OPCML: variants seen among roughly 807,000 people sequenced by gnomAD.
OPCML encodes the protein opioid binding protein/cell adhesion molecule like.
Under a neutral mutation model 37.8 loss-of-function variants are expected in OPCML, and 13 were observed. The ratio of observed to expected loss-of-function variants is 0.34; its 90% CI spans 0.22 to 0.55. The LOEUF (loss-of-function observed/expected upper bound fraction) is 0.55, where lower values mean the gene tolerates loss of function less well. Among genes scored for constraint, OPCML ranks in the 20% least tolerant of loss-of-function variants. The pLI is 0.91. For synonymous variants in OPCML, 176 were observed against 168.8 expected, an observed-to-expected ratio of 1.04 and a Z score of -0.33; for missense variants, 341 against 435.6, an observed-to-expected ratio of 0.78 and a Z score of 1.93.
chr11:133,380,939 G>A (rs546977190), intron 1 of OPCML, among the ~76,000 whole-genome samples: 10 of 152,324 alleles, frequency 6.6e-5, no homozygotes, highest in South Asian at 2.1e-4. Flanking sequence ...AGGGAGGTAC[G>A]GACCTAAGCT....
At chr11:132,611,836 T>C (rs931493419) in intron 3 of OPCML, among the ~76,000 whole-genome samples, 1 of 152,084 alleles carries the variant, frequency 6.6e-6, no homozygotes, top group African/African-American at 2.4e-5. Context: ...TGTTCTAATC[T>C]GCCCAGGACT....
intron 1 of OPCML, among the ~76,000 whole-genome samples, chr11:133,027,470 AGTGTGTGTGT>A (rs112879269): frequency 1.4e-5 from 2 of 144,902 alleles, no homozygotes; most frequent in Admixed American, 6.8e-5. Context: ...TGGTCTATGT[AGTGTGTGTGT>A]GTGTGTGTGT....
At chr11:133,440,926 T>G (rs1449599207) in intron 1 of OPCML, among the ~76,000 whole-genome samples, 1 of 150,510 alleles carries the variant, frequency 6.6e-6, no homozygotes, top group Non-Finnish European at 1.5e-5. Context: ...AATAAAAATG[T>G]CAAAGTAAAT....
In OPCML at chr11:132,661,838, C is replaced by T. The variant is rs566921154; in HGVS notation, c.147-4519G>A. Among the ~76,000 whole-genome samples the T allele has an allele frequency of 3.3e-5, 5 of 152,186 alleles. No individual in the cohort carries two copies. The South Asian group carries it at 8.3e-4, about 25-fold the overall frequency. ...CAAATCATTCTATCCTAATAACTACCCTTTGAGATGTGTTCTATTAATATT... is the reference window on the plus strand; with the variant it reads ...CAAATCATTCTATCCTAATAACTACTCTTTGAGATGTGTTCTATTAATATT... On this transcript the variant is annotated intron_variant, in intron 2 of 7. Transcript: ENST00000524381.
intron 1 of OPCML, among the ~76,000 whole-genome samples, chr11:133,453,529 T>C (rs550281260): frequency 6.6e-6 from 1 of 152,232 alleles, no homozygotes; most frequent in Non-Finnish European, 1.5e-5. Flanking sequence ...GCCAAACATA[T>C]AGATTGCATT....
At chr11:133,109,287 T>C (rs892953465) in intron 1 of OPCML, among the ~76,000 whole-genome samples, 1 of 152,114 alleles carries the variant, frequency 6.6e-6, no homozygotes, top group South Asian at 2.1e-4. Context: ...AAGGTTTGTT[T>C]TGAAGAGCAA....
At chr11:132,632,476 T>A (rs1379052319) in intron 3 of OPCML, among the ~76,000 whole-genome samples, 1 of 152,120 alleles carries the variant, frequency 6.6e-6, no homozygotes, top group Non-Finnish European at 1.5e-5. Context: ...CTGATTTTTG[T>A]AAGGTCAGAT....
chr11:133,060,072 G>T (rs184542905), intron 1 of OPCML, among the ~76,000 whole-genome samples: 1 of 152,156 alleles, frequency 6.6e-6, no homozygotes, highest in East Asian at 1.9e-4. Flanking sequence ...TTTTAAGGCC[G>T]TTCCTTTCTC....
Position 133,313,110 on chromosome 11 carries a change from TA to T in OPCML, c.61+219153del, listed in dbSNP as rs772097917. Reference sequence around the variant, plus strand: ...TATCACTATCTGATAGTACATGATATACTTCTTTATTTATATGCGGTCTGCA... The same window carrying T: ...TATCACTATCTGATAGTACATGATATCTTCTTTATTTATATGCGGTCTGCA... On this transcript the variant is annotated intron_variant, in intron 1 of 7. Coordinates refer to ENST00000524381, the MANE Select transcript of OPCML (RefSeq NM_001012393.5). Among the ~76,000 whole-genome samples the T allele has an allele frequency of 2.7e-4, 41 of 152,244 alleles. 1 individual carries two copies. The highest frequency in any genetic ancestry group is 4.1e-4 in the South Asian group (2 of 4,832).
intron 1 of OPCML, among the ~76,000 whole-genome samples, chr11:133,195,381 A>G (rs1011198528): frequency 1.3e-5 from 2 of 152,218 alleles, no homozygotes; most frequent in African/African-American, 4.8e-5. Context: ...CCGTGAGAAA[A>G]GATGCTGGAA....
At chr11:132,599,084 G>T (rs1270047464) in intron 3 of OPCML, among the ~76,000 whole-genome samples, 2 of 152,096 alleles carry the variant, frequency 1.3e-5, no homozygotes, top group African/African-American at 4.8e-5. Context: ...TTCAAGATGA[G>T]CCTGGCCAAC....
chr11:133,021,144 A>C (rs759606943), intron 1 of OPCML, among the ~76,000 whole-genome samples: 1 of 152,208 alleles, frequency 6.6e-6, no homozygotes, highest in Non-Finnish European at 1.5e-5. Flanking sequence ...ATTAGGCATC[A>C]AGATGACATG....
intron 3 of OPCML, among the ~76,000 whole-genome samples, chr11:132,546,025 C>A (rs1423590281): frequency 6.6e-6 from 1 of 152,214 alleles, no homozygotes; most frequent in Non-Finnish European, 1.5e-5. Flanking sequence ...CACTAAAAAC[C>A]TGTGAGATAA....
chr11:132,963,863 G>A (rs987398227), intron 1 of OPCML, among the ~76,000 whole-genome samples: 4 of 152,190 alleles, frequency 2.6e-5, no homozygotes, highest in African/African-American at 9.6e-5. Flanking sequence ...GCACGTTAGG[G>A]TCGGGCACCT....
chr11:133,095,657 C>A (rs969907456), intron 1 of OPCML, among the ~76,000 whole-genome samples: 1 of 146,438 alleles, frequency 6.8e-6, no homozygotes, highest in Non-Finnish European at 1.5e-5. Context: ...GAAAAGCCTA[C>A]ACATTCATAT....
intron 2 of OPCML, among the ~76,000 whole-genome samples, chr11:132,712,729 A>G (rs1944318633): frequency 6.6e-6 from 1 of 152,200 alleles, no homozygotes; most frequent in Non-Finnish European, 1.5e-5. Context: ...ACCCACCAAA[A>G]AGCAATTTCA....
chr11:132,801,410 C>T (rs1938641272), intron 2 of OPCML, among the ~76,000 whole-genome samples: 1 of 152,146 alleles, frequency 6.6e-6, no homozygotes, highest in Non-Finnish European at 1.5e-5. Flanking sequence ...AAAGATCCTA[C>T]AGACTCATGC....
intron 1 of OPCML, among the ~76,000 whole-genome samples, chr11:133,000,014 T>A (rs780676681): frequency 4.6e-5 from 7 of 152,192 alleles, no homozygotes; most frequent in African/African-American, 1.7e-4. Flanking sequence ...CTATAAAAAA[T>A]GAAGTTGACA....
chr11:133,420,489 TA>T, intron 1 of OPCML: 1 of 985,112 alleles, frequency 1.0e-6, no homozygotes, highest in Non-Finnish European at 1.2e-6. Flanking sequence ...TTAGGACTTT[TA>T]TTTTTTTTCT....
Sources: gnomAD v4.1 joint callset for allele counts (sites outside exome capture counted in the v4.1 genomes callset) on GRCh38, gnomAD v4.1.1 for gene constraint, MANE v1.5 for transcripts, NCBI Gene and HGNC (gene_info 2026-07-23, HGNC 2026-07-21) for gene names.